The following CASP8 variants were observed in gnomAD, a reference collection of about 807,000 sequenced individuals.
The protein encoded by CASP8 is caspase 8.
Under a neutral mutation model 46.3 loss-of-function variants are expected in CASP8, and 24 were observed. That is an observed-to-expected ratio of 0.52 (90% CI 0.38 to 0.73). CASP8 has a LOEUF of 0.73. Among genes scored for constraint, CASP8 ranks in the 30% least tolerant of loss-of-function variants. CASP8 has a pLI of 0.00. For missense variants in CASP8, 460 were observed against 559.0 expected, an observed-to-expected ratio of 0.82 and a Z score of 1.79; for synonymous variants, 188 against 200.4, an observed-to-expected ratio of 0.94 and a Z score of 0.52.
chr2:201,261,391 C>CA lies in CASP8; in HGVS notation c.-27+799dup, dbSNP rs11335061. ...GGGCAACAAGAGCGAAACTCCGTCT[C>CA]AAAAAAAAAAAAAAAAAAAAATTAA... On this transcript the variant is annotated intron_variant, in intron 1 of 8. Transcript: ENST00000673742. 3.9e-3 allele frequency among the ~76,000 whole-genome samples: 349 copies of CA among 88,428 alleles called. 4 individuals carry two copies. The highest frequency in any genetic ancestry group is 0.01 in the African/African-American group (233 of 22,794). 58.0% of individuals were successfully genotyped at this position (88,428 alleles called of 152,430 possible). A position where few individuals can be genotyped will look rare whatever the true frequency, so the allele number is the denominator to read the frequency against.
upstream of CASP8, among the ~76,000 whole-genome samples, chr2:201,259,224 G>C (rs967099063): frequency 6.6e-6 from 1 of 152,138 alleles, no homozygotes; most frequent in Admixed American, 6.5e-5. Context: ...CCAGGCTGCA[G>C]TGCAGTGGTG....
chr2:201,235,272 T>C (rs547025940), intron 2 of CASP8, among the ~76,000 whole-genome samples: 11 of 152,340 alleles, frequency 7.2e-5, no homozygotes, highest in Admixed American at 6.5e-4. Flanking sequence ...ATACTTTCAG[T>C]GTTTCGGTGT....
intron 7 of CASP8, among the ~76,000 whole-genome samples, chr2:201,279,287 A>G (rs1948846111): frequency 6.6e-6 from 1 of 152,188 alleles, no homozygotes; most frequent in Non-Finnish European, 1.5e-5. Context: ...TGAACCAGAG[A>G]GGCTCTACAC....
intron 2 of CASP8, among the ~76,000 whole-genome samples, chr2:201,270,503 A>G (rs1948166412): frequency 1.3e-5 from 2 of 152,190 alleles, no homozygotes; most frequent in East Asian, 1.9e-4. Context: ...GTTTATGAAA[A>G]TAAAAAGGGT....
intron 1 of CASP8, chr2:201,262,333 G>T (rs1947478140): frequency 6.6e-6 from 1 of 151,606 alleles, no homozygotes; most frequent in Non-Finnish European, 1.5e-5. Context: ...TGGATATATA[G>T]ATTACAAACA....
Position 201,238,814 on chromosome 2 carries a change from G to A in CASP8, c.-27+4702G>A, listed in dbSNP as rs150376709. On this transcript the variant is annotated intron_variant, in intron 2 of 6. Coordinates refer to the CASP8 transcript ENST00000264274. Reference sequence around the variant, plus strand: ...TGATCATTCTTGGGTGTTTCTCACAGAGGAGGATTTGGCAGGGTCACAGGA... The same window carrying A: ...TGATCATTCTTGGGTGTTTCTCACAAAGGAGGATTTGGCAGGGTCACAGGA... Among the ~76,000 whole-genome samples the A allele has an allele frequency of 0.019, 2,920 of 152,142 alleles. 244 individuals carry two copies. The East Asian group carries it at 0.23, about 12-fold the overall frequency.
intron 2 of CASP8, 139 bp from the exon 3 acceptor site, chr2:201,271,377 G>A (rs1169754323): frequency 1.4e-6 from 1 of 705,492 alleles, no homozygotes; most frequent in African/African-American, 1.8e-5. Context: ...TCTTTCCAAG[G>A]GCTCAACTCA....
intron 2 of CASP8, 30 bp from the exon 3 acceptor site, chr2:201,271,486 T>C: frequency 7.6e-7 from 1 of 1,318,896 alleles, no homozygotes; most frequent in Non-Finnish European, 1.1e-6. Context: ...TGGGAAAAGA[T>C]TTCTAAAGTG....
At chr2:201,258,606 TG>T (rs1436446201), upstream of CASP8, among the ~76,000 whole-genome samples, 3 of 152,218 alleles carry the variant, frequency 2.0e-5, no homozygotes, top group East Asian at 5.8e-4. Flanking sequence ...CCAGTTCCTC[TG>T]CTACCTTTTT....
intron 2 of CASP8, among the ~76,000 whole-genome samples, chr2:201,268,229 C>G (rs745626699): frequency 6.6e-6 from 1 of 152,212 alleles, no homozygotes; most frequent in Non-Finnish European, 1.5e-5. Flanking sequence ...CCAGCCAAGG[C>G]TTGACCATTT....
intron 8 of CASP8, 60 bp from the exon 9 acceptor site, chr2:201,286,399 A>T (rs934664856): frequency 1.9e-6 from 3 of 1,582,332 alleles, no homozygotes; most frequent in Admixed American, 1.7e-5. Context: ...ACAGCAGAGG[A>T]GACAGTTCAT....
intron 6 of CASP8, 126 bp from the exon 7 acceptor site, chr2:201,276,701 C>G: frequency 8.4e-7 from 1 of 1,195,146 alleles, no homozygotes; most frequent in South Asian, 1.3e-5. Context: ...ACTAGTTCTT[C>G]GAGGAAACGA....
chr2:201,250,484 A>AG (rs1467325153), intron 2 of CASP8, among the ~76,000 whole-genome samples: 1 of 152,202 alleles, frequency 6.6e-6, no homozygotes, highest in Non-Finnish European at 1.5e-5. Context: ...TGGAAGACAA[A>AG]GGGGGAGCGA....
At chr2:201,235,934 T>C (rs942401330) in intron 2 of CASP8, among the ~76,000 whole-genome samples, 1 of 152,238 alleles carries the variant, frequency 6.6e-6, no homozygotes, top group African/African-American at 2.4e-5. Flanking sequence ...GGTCTGCATC[T>C]TAGGAGTAAT....
At chr2:201,268,126 T>C (rs1947957964) in intron 2 of CASP8, among the ~76,000 whole-genome samples, 1 of 151,902 alleles carries the variant, frequency 6.6e-6, no homozygotes, top group African/African-American at 2.4e-5. Flanking sequence ...AGTTCCACCA[T>C]GTTGGCCAGG....
At chr2:201,239,737 C>T (rs754948765) in intron 2 of CASP8, among the ~76,000 whole-genome samples, 9 of 152,150 alleles carry the variant, frequency 5.9e-5, no homozygotes, top group Non-Finnish European at 1.0e-4. Context: ...CCTGTTGAGG[C>T]GTCACGGGTG....
At chr2:201,268,954 T>A (rs1047268673) in intron 2 of CASP8, among the ~76,000 whole-genome samples, 7 of 146,930 alleles carry the variant, frequency 4.8e-5, no homozygotes, top group African/African-American at 1.8e-4. Context: ...TGTGTGTGTG[T>A]GTGAGACAGT....
intron 7 of CASP8, among the ~76,000 whole-genome samples, chr2:201,283,446 AC>A (rs1191221548): frequency 1.1e-4 from 3 of 28,176 alleles, no homozygotes; most frequent in Non-Finnish European, 1.5e-4. Flanking sequence ...CGGGGGGTTG[AC>A]CCCCCCACCT....
At chr2:201,282,520 G>C (rs1949135351) in intron 7 of CASP8, among the ~76,000 whole-genome samples, 1 of 112,594 alleles carries the variant, frequency 8.9e-6, no homozygotes, top group Admixed American at 8.0e-5. Context: ...CGGCCCGGCA[G>C]AAGCGCCCCT....
Sources: allele counts gnomAD v4.1 joint callset (sites outside exome capture counted in the v4.1 genomes callset), GRCh38; gene constraint gnomAD v4.1.1; transcripts MANE v1.5; gene names NCBI Gene and HGNC (gene_info 2026-07-23, HGNC 2026-07-21).